Variants in WDFY2 observed in about 807,000 individuals in gnomAD.
WDFY2 encodes WD repeat and FYVE domain containing 2.
In WDFY2, 36 loss-of-function variants were observed where a neutral mutation model predicts 56.4. That is an observed-to-expected ratio of 0.64 (90% CI 0.49 to 0.84). The LOEUF is 0.84. Among genes scored for constraint, WDFY2 ranks in the 40% least tolerant of loss-of-function variants. The pLI, the probability that WDFY2 is intolerant of heterozygous loss-of-function variation, is 0.00. For missense variants in WDFY2, 444 were observed against 512.2 expected, an observed-to-expected ratio of 0.87 and a Z score of 1.29; for synonymous variants, 176 against 183.7, an observed-to-expected ratio of 0.96 and a Z score of 0.34.
At chr13:51,739,289 C>T (rs1593466398) in intron 7 of WDFY2, 114 bp downstream of exon 7, 2 of 1,264,718 alleles carry the variant, frequency 1.6e-6, no homozygotes, top group South Asian at 2.2e-5. Context: ...AGGAACATGG[C>T]GGGAACACAA....
chr13:51,713,796 G>A (rs540052311), intron 4 of WDFY2, among the ~76,000 whole-genome samples: 3 of 144,942 alleles, frequency 2.1e-5, no homozygotes, highest in South Asian at 2.2e-4. Flanking sequence ...GCAGTGAGCT[G>A]AGATTGCACC....
intron 1 of WDFY2, chr13:51,588,247 T>G (rs1205304894): frequency 6.6e-6 from 1 of 152,216 alleles, no homozygotes; most frequent in East Asian, 1.9e-4. Flanking sequence ...TTCAGACATC[T>G]CTGCTCTGTT....
chr13:51,654,203 C>T (rs112551343), intron 1 of WDFY2, among the ~76,000 whole-genome samples: 335 of 152,360 alleles, frequency 2.2e-3, no homozygotes, highest in Admixed American at 4.1e-3. Context: ...CCCTCCGAGC[C>T]AGGCGCGGGA....
chr13:51,729,626 A>G (rs1238225678), intron 6 of WDFY2, among the ~76,000 whole-genome samples: 5 of 151,624 alleles, frequency 3.3e-5, no homozygotes, highest in Admixed American at 2.6e-4. Context: ...GCCCCAGTCT[A>G]TTTGCAGGGT....
At chr13:51,611,159 CA>C (rs2138334993) in intron 1 of WDFY2, among the ~76,000 whole-genome samples, 1 of 152,338 alleles carries the variant, frequency 6.6e-6, no homozygotes, top group African/African-American at 2.4e-5. Context: ...TTGCTCTGTT[CA>C]CTGATGTATC....
rs768019317 is a variant in WDFY2, at chr13:51,660,635, T to C, written c.177T>C (p.Tyr59=). ...RVWLKRDSGQ[Y]WPSVYHAMPS... ...GGTTAAAGAGAGACAGTGGACAGTA[T>C]TGGCCAAGCGTATACCATGCAATGC... Residue 59 remains tyrosine (Y), a synonymous_variant, in exon 2 of 12, where the codon TAT becomes TAC. Coordinates refer to ENST00000298125, the MANE Select transcript of WDFY2 (RefSeq NM_052950.4). The C allele has an allele frequency of 6.2e-7, 1 of 1,614,046 alleles. No homozygotes were observed. Among genetic ancestry groups the C allele is most frequent in the Admixed American group, 1.7e-5 (1 of 60,026 alleles).
At chr13:51,661,955 G>GT (rs1010888678) in intron 2 of WDFY2, among the ~76,000 whole-genome samples, 6 of 151,708 alleles carry the variant, frequency 4.0e-5, no homozygotes, top group South Asian at 2.1e-4. Context: ...TTTTTTTCCT[G>GT]TTTTTTTGTT....
intron 1 of WDFY2, among the ~76,000 whole-genome samples, chr13:51,612,368 A>G (rs1029416430): frequency 9.2e-5 from 14 of 152,206 alleles, no homozygotes; most frequent in Admixed American, 2.0e-4. Flanking sequence ...TATGACAGAT[A>G]CTGCTTTGGA....
chr13:51,748,441 T>G (rs975211240), intron 7 of WDFY2, among the ~76,000 whole-genome samples: 1 of 152,244 alleles, frequency 6.6e-6, no homozygotes, highest in Non-Finnish European at 1.5e-5. Flanking sequence ...CTTCGAGCTT[T>G]ATTTCTAACA....
At chr13:51,669,758 C>G (rs1055806028) in intron 2 of WDFY2, among the ~76,000 whole-genome samples, 1 of 152,194 alleles carries the variant, frequency 6.6e-6, no homozygotes, top group South Asian at 2.1e-4. Flanking sequence ...AAAGAAGTCT[C>G]AGGCAACCTA....
chr13:51,587,371 A>C (rs1204281407), intron 1 of WDFY2: 1 of 152,222 alleles, frequency 6.6e-6, no homozygotes, highest in Non-Finnish European at 1.5e-5. Flanking sequence ...CCTGGCATGC[A>C]ATACGTCCTC....
chr13:51,589,582 T>C (rs1175716175), intron 1 of WDFY2: 1 of 152,192 alleles, frequency 6.6e-6, no homozygotes, highest in Non-Finnish European at 1.5e-5. Context: ...TCAGTTGAGC[T>C]CCTGATAGAG....
At chr13:51,751,943 T>C (rs1953247553) in intron 8 of WDFY2, among the ~76,000 whole-genome samples, 1 of 152,230 alleles carries the variant, frequency 6.6e-6, no homozygotes, top group Non-Finnish European at 1.5e-5. Context: ...TTTATGAGCT[T>C]TCATTTTAAT....
chr13:51,586,793 G>C (rs1953946610), intron 1 of WDFY2: 1 of 152,064 alleles, frequency 6.6e-6, no homozygotes, highest in South Asian at 2.1e-4. Context: ...TTGTCATGGA[G>C]TTACTGTTAA....
At chr13:51,685,324 T>C (rs1956042563) in intron 3 of WDFY2, among the ~76,000 whole-genome samples, 2 of 152,182 alleles carry the variant, frequency 1.3e-5, no homozygotes, top group African/African-American at 4.8e-5. Flanking sequence ...AAGATGTATA[T>C]ACAGTTGACC....
chr13:51,694,578 T>A (rs1189535741), intron 3 of WDFY2, among the ~76,000 whole-genome samples: 2 of 152,236 alleles, frequency 1.3e-5, no homozygotes, highest in Non-Finnish European at 1.5e-5. Context: ...CTTCCCTTTG[T>A]GGGTAACCCG....
At chr13:51,647,140 C>G (rs1300864960) in intron 1 of WDFY2, among the ~76,000 whole-genome samples, 1 of 152,118 alleles carries the variant, frequency 6.6e-6, no homozygotes, top group Non-Finnish European at 1.5e-5. Context: ...ATATTAGAGA[C>G]TTGAGCATAC....
intron 1 of WDFY2, among the ~76,000 whole-genome samples, chr13:51,607,561 C>G (rs972069700): frequency 3.3e-5 from 5 of 151,440 alleles, no homozygotes; most frequent in African/African-American, 1.2e-4. Context: ...CTTTCTGAGT[C>G]ATACATAAAA....
chr13:51,705,530 C>T lies in WDFY2; in HGVS notation c.334+1880C>T, dbSNP rs148440869. On this transcript the variant is annotated intron_variant, in intron 4 of 11. Coordinates refer to ENST00000298125, the MANE Select transcript of WDFY2 (RefSeq NM_052950.4). ...AGCCATGTGGAGCAATCAACTCAAG[C>T]TCCTCCACAGTTCTCACTTGAATTG... Among the ~76,000 whole-genome samples the T allele has an allele frequency of 5.9e-5, 9 of 151,908 alleles. No homozygotes were observed. The East Asian group carries it at 1.7e-3, about 29-fold the overall frequency.
Sources: allele counts gnomAD v4.1 joint callset (sites outside exome capture counted in the v4.1 genomes callset), GRCh38; gene constraint gnomAD v4.1.1; transcripts MANE v1.5; gene names NCBI Gene and HGNC (gene_info 2026-07-23, HGNC 2026-07-21).